The following C2orf49 variants were observed in gnomAD, a reference collection of about 807,000 sequenced individuals.
The protein encoded by C2orf49 is tRNA splicing ligase complex subunit 2, also known as tRNA-splicing ligase complex subunit ASW.
C2orf49 carries 11 observed loss-of-function variants against 20.6 expected under a neutral mutation model. The observed-to-expected ratio is 0.53, with a 90% CI of 0.34 to 0.88. C2orf49 has a LOEUF of 0.88. C2orf49 is among the 40% of genes least tolerant of loss of function. The pLI, the probability that C2orf49 is intolerant of heterozygous loss-of-function variation, is 0.02. For missense variants in C2orf49, 289 were observed against 274.2 expected, an observed-to-expected ratio of 1.05 and a Z score of -0.38; for synonymous variants, 134 against 108.5, an observed-to-expected ratio of 1.24 and a Z score of -1.46.
At chr2:105,373,624 C>T in the C2orf49 span, 2 of 1,614,110 alleles carry the variant, frequency 1.2e-6, no homozygotes, top group African/African-American at 1.3e-5. Flanking sequence ...GCAGTCTGTA[C>T]AGAGCAGCTG....
chr2:105,346,809 T>G lies in C2orf49; in HGVS notation c.*1438T>G, dbSNP rs1679824951. ...CTAAGATTTTTTGTTTATTTTTGTTTGAGTGGTATTTTCACTCCAATTGTA... is the reference window on the plus strand; with the variant it reads ...CTAAGATTTTTTGTTTATTTTTGTTGGAGTGGTATTTTCACTCCAATTGTA... On this transcript the variant is annotated 3_prime_UTR_variant, in exon 4 of 4. Coordinates refer to ENST00000258457, the MANE Select transcript of C2orf49 (RefSeq NM_024093.3). 2 of 152,216 alleles carry G rather than the reference T, an allele frequency of 1.3e-5. No homozygotes were observed. Among genetic ancestry groups the G allele is most frequent in the Non-Finnish European group, 2.9e-5 (2 of 68,034 alleles). The allele number at this position is 152,216 out of a possible 1,614,324, so 9.4% of individuals were successfully genotyped here.
chr2:105,368,199 A>T, the C2orf49 span, among the ~76,000 whole-genome samples: 2 of 152,206 alleles, frequency 1.3e-5, no homozygotes, highest in Admixed American at 1.3e-4. Context: ...GTGTGAATGA[A>T]CCTGGAACCT....
chr2:105,380,248 C>A, the C2orf49 span, among the ~76,000 whole-genome samples: 1 of 152,164 alleles, frequency 6.6e-6, no homozygotes, highest in Non-Finnish European at 1.5e-5. Flanking sequence ...GAAAATGCCA[C>A]CAAAAGGCCT....
In C2orf49 at chr2:105,341,284, A is replaced by G. The variant is rs974592383; in HGVS notation, c.266+1535A>G. On this transcript the variant is annotated intron_variant, in intron 2 of 3. Coordinates refer to ENST00000258457, the MANE Select transcript of C2orf49 (RefSeq NM_024093.3). ...TTTCCTTTGAAGCAATCTTTGTACA[A>G]CTGTCTTGATTAGTCCCCCAAAATC... Among the ~76,000 whole-genome samples, 16 of 152,346 alleles carry G rather than the reference A, an allele frequency of 1.1e-4. No individual in the cohort carries two copies. In the East Asian group the frequency reaches 2.7e-3, roughly 26 times the overall value.
the C2orf49 span, among the ~76,000 whole-genome samples, chr2:105,378,993 C>T: frequency 2.0e-5 from 3 of 152,298 alleles, no homozygotes; most frequent in Admixed American, 2.0e-4. Flanking sequence ...CCACAGTCCA[C>T]ATCTCTTGTA....
chr2:105,356,436 A>G, the C2orf49 span, among the ~76,000 whole-genome samples: 2 of 152,018 alleles, frequency 1.3e-5, no homozygotes, highest in African/African-American at 4.8e-5. Flanking sequence ...ACAGCCAGGC[A>G]TGGTGGTGCG....
Position 105,347,978 on chromosome 2 carries a change from T to C in C2orf49, c.*2607T>C, listed in dbSNP as rs1180551055. On this transcript the variant is annotated 3_prime_UTR_variant, in exon 4 of 4. Transcript: ENST00000258457. ...TTGTAGTTATAGGCACTTTACCACTTCCTGCCATTAGCAGGCATCCTTGTT... is the reference window on the plus strand; with the variant it reads ...TTGTAGTTATAGGCACTTTACCACTCCCTGCCATTAGCAGGCATCCTTGTT... 2 of 145,790 alleles carry C rather than the reference T, an allele frequency of 1.4e-5. No individual in the cohort carries two copies. The highest frequency in any genetic ancestry group is 3.0e-5 in the Non-Finnish European group (2 of 66,682). The allele number at this position is 145,790 out of a possible 1,614,324, so 9.0% of individuals were successfully genotyped here. A position where few individuals can be genotyped will look rare whatever the true frequency, so the allele number is the denominator to read the frequency against.
chr2:105,373,797 G>T, the C2orf49 span: 1 of 1,563,774 alleles, frequency 6.4e-7, no homozygotes, highest in Non-Finnish European at 8.8e-7. Flanking sequence ...CCACAGCATA[G>T]GGGCCCCTTG....
chr2:105,362,338 C>T, the C2orf49 span, among the ~76,000 whole-genome samples: 1 of 152,206 alleles, frequency 6.6e-6, no homozygotes, highest in Non-Finnish European at 1.5e-5. Context: ...ATGAGCTCTG[C>T]ATTACACATG....
chr2:105,373,865 A>G, the C2orf49 span: 1 of 750,426 alleles, frequency 1.3e-6, no homozygotes, highest in East Asian at 2.7e-5. Context: ...GCGCACCCAC[A>G]TTCATGCCCC....
the C2orf49 span, among the ~76,000 whole-genome samples, chr2:105,356,091 T>A: frequency 5.3e-5 from 8 of 152,002 alleles, no homozygotes; most frequent in South Asian, 2.1e-4. Context: ...ACAAAAAAAA[T>A]TTTAAAAATA....
At chr2:105,353,447 AT>A (rs1355755557), downstream of C2orf49, among the ~76,000 whole-genome samples, 1 of 152,022 alleles carries the variant, frequency 6.6e-6, no homozygotes, top group Non-Finnish European at 1.5e-5. Context: ...CACTACATAC[AT>A]TTTGGCATGT....
the C2orf49 span, among the ~76,000 whole-genome samples, chr2:105,357,147 C>G: frequency 6.6e-6 from 1 of 152,096 alleles, no homozygotes; most frequent in Admixed American, 6.5e-5. Flanking sequence ...TTCTCCTGTT[C>G]TTTTTTTCTC....
the C2orf49 span, among the ~76,000 whole-genome samples, chr2:105,381,163 C>T: frequency 3.9e-5 from 6 of 152,248 alleles, no homozygotes; most frequent in East Asian, 1.9e-4. Context: ...CAGATCCATA[C>T]GATTTCACTT....
intron 1 of C2orf49, 85 bp from the exon 2 acceptor site, chr2:105,339,498 T>C: frequency 7.9e-7 from 1 of 1,273,212 alleles, no homozygotes; most frequent in Non-Finnish European, 1.1e-6. Context: ...ATTTAAGCAG[T>C]AATGTTTTAC....
the C2orf49 span, among the ~76,000 whole-genome samples, chr2:105,356,263 C>T: frequency 8.1e-3 from 1,240 of 152,168 alleles, 17 homozygotes; most frequent in African/African-American, 0.028. Flanking sequence ...TGGTGGCAGG[C>T]GCCTGTAATC....
chr2:105,338,358 T>G (rs1266065218), intron 1 of C2orf49, among the ~76,000 whole-genome samples: 1 of 152,218 alleles, frequency 6.6e-6, no homozygotes, highest in Non-Finnish European at 1.5e-5. Context: ...GTACCCTATC[T>G]TTGTTGAATT....
the C2orf49 span, among the ~76,000 whole-genome samples, chr2:105,383,395 T>C: frequency 6.6e-6 from 1 of 152,238 alleles, no homozygotes; most frequent in African/African-American, 2.4e-5. Flanking sequence ...CAATAATCTT[T>C]ACCCTTTGAG....
the C2orf49 span, among the ~76,000 whole-genome samples, chr2:105,377,099 T>A: frequency 6.6e-6 from 1 of 152,208 alleles, no homozygotes; most frequent in Non-Finnish European, 1.5e-5. Context: ...AATCAGACCT[T>A]GGCGATGATC....
Sources: allele counts gnomAD v4.1 joint callset (sites outside exome capture counted in the v4.1 genomes callset), GRCh38; gene constraint gnomAD v4.1.1; transcripts MANE v1.5; gene names NCBI Gene and HGNC (gene_info 2026-07-23, HGNC 2026-07-21).